FRY: variants seen among roughly 807,000 people sequenced by gnomAD.
FRY encodes the protein FRY microtubule binding protein.
In FRY, 128 loss-of-function variants were observed where a neutral mutation model predicts 348.4. That is an observed-to-expected ratio of 0.37 (90% CI 0.32 to 0.43). FRY has a LOEUF of 0.43. Among genes scored for constraint, FRY ranks in the 20% least tolerant of loss-of-function variants. The pLI, the probability that FRY is intolerant of heterozygous loss-of-function variation, is 1.00. For missense variants in FRY, 2,736 were observed against 3,695.2 expected, an observed-to-expected ratio of 0.74 and a Z score of 6.73; for synonymous variants, 1,370 against 1,374.7, an observed-to-expected ratio of 1.00 and a Z score of 0.08.
intron 2 of FRY, among the ~76,000 whole-genome samples, chr13:32,081,074 C>T (rs1319966653): frequency 6.6e-6 from 1 of 151,990 alleles, no homozygotes; most frequent in Non-Finnish European, 1.5e-5. Context: ...GTTTTTTCTT[C>T]TTGGAATAAG....
rs981598438 is a variant in FRY at position 32,117,550 on chromosome 13, A to G, written c.464+77A>G. 2.0e-6 allele frequency: 3 copies of G among 1,472,646 alleles called. No homozygotes were observed. The South Asian group carries it at 3.4e-5, about 17-fold the overall frequency. The allele number at this position is 1,472,646 out of a possible 1,614,324, so 91.2% of individuals were successfully genotyped here. A position where few individuals can be genotyped will look rare whatever the true frequency, so the allele number is the denominator to read the frequency against. On this transcript the variant is annotated intron_variant, in intron 4 of 60. Transcript: ENST00000542859. ...AAACATAAATCAAAATTAGAGTTAC[A>G]AGGCAATTGGGTCTTCCTGACTCTT...
chr13:32,176,258 T>G (rs910499615), intron 20 of FRY, among the ~76,000 whole-genome samples: 1 of 152,190 alleles, frequency 6.6e-6, no homozygotes, highest in Non-Finnish European at 1.5e-5. Context: ...TTAAACTGAT[T>G]TTAGTTATCT....
intron 17 of FRY, among the ~76,000 whole-genome samples, chr13:32,164,472 A>G (rs1206572301): frequency 2.0e-5 from 3 of 152,170 alleles, no homozygotes; most frequent in African/African-American, 7.2e-5. Context: ...CTGCACTTTG[A>G]GTAATGGCTG....
intron 4 of FRY, among the ~76,000 whole-genome samples, chr13:32,118,998 A>C (rs888378249): frequency 6.6e-6 from 1 of 152,216 alleles, no homozygotes; most frequent in Non-Finnish European, 1.5e-5. Flanking sequence ...TGCTGAAATT[A>C]GATTTTTCAT....
chr13:32,035,613 G>A (rs969999706), intron 1 of FRY, among the ~76,000 whole-genome samples: 9 of 152,170 alleles, frequency 5.9e-5, no homozygotes, highest in Non-Finnish European at 1.2e-4. Flanking sequence ...GTCCACCCCA[G>A]GATGCCTGAT....
chr13:32,164,204 ACTTT>A (rs1284908600), intron 17 of FRY, among the ~76,000 whole-genome samples: 1 of 152,232 alleles, frequency 6.6e-6, no homozygotes, highest in Non-Finnish European at 1.5e-5. Context: ...GTCTTCAGTT[ACTTT>A]ATACCCCCAC....
intron 32 of FRY, 76 bp from the exon 33 acceptor site, chr13:32,209,509 A>G (rs1833883951): frequency 2.1e-6 from 3 of 1,458,842 alleles, no homozygotes; most frequent in South Asian, 2.3e-5. Flanking sequence ...ATGACCCTCA[A>G]AACTACTTTC....
At chr13:32,175,729 T>A (rs1410789461) in intron 20 of FRY, 97 bp downstream of exon 20, 6 of 768,102 alleles carry the variant, frequency 7.8e-6, no homozygotes, top group Non-Finnish European at 7.0e-6. Flanking sequence ...TGGGTGTTTA[T>A]GTCAGATTAA....
chr13:32,057,372 A>G (rs537254582), intron 1 of FRY, among the ~76,000 whole-genome samples: 1 of 152,002 alleles, frequency 6.6e-6, no homozygotes, highest in Admixed American at 6.6e-5. Flanking sequence ...GGGTTTCACC[A>G]TATTAGCCAG....
At chr13:32,188,163 T>C (rs1883132480) in intron 28 of FRY, among the ~76,000 whole-genome samples, 1 of 152,116 alleles carries the variant, frequency 6.6e-6, no homozygotes, top group South Asian at 2.1e-4. Flanking sequence ...GAGAATAGAA[T>C]TAAAAGATAA....
intron 7 of FRY, 39 bp from the exon 8 acceptor site, chr13:32,131,632 CT>C: frequency 6.6e-7 from 1 of 1,517,520 alleles, no homozygotes; most frequent in South Asian, 1.1e-5. Flanking sequence ...AGGGACTTTC[CT>C]ACCCAATATT....
intron 17 of FRY, among the ~76,000 whole-genome samples, chr13:32,163,379 G>A (rs1303645197): frequency 1.3e-5 from 2 of 152,154 alleles, no homozygotes; most frequent in Non-Finnish European, 2.9e-5. Flanking sequence ...CTACCTGCAT[G>A]ATCCGGACAA....
chr13:32,175,881 G>A (rs915359442), intron 20 of FRY, among the ~76,000 whole-genome samples: 1 of 152,118 alleles, frequency 6.6e-6, no homozygotes, highest in Non-Finnish European at 1.5e-5. Flanking sequence ...GAATTGCTCA[G>A]GATTCTTAAG....
rs758272825 is a variant in FRY at position 32,294,507 on chromosome 13, C to T, written c.8720C>T (p.Ser2907Phe). 1.2e-6 allele frequency: 2 copies of T among 1,614,096 alleles called. No homozygotes were observed. Among genetic ancestry groups the T allele is most frequent in the South Asian group, 2.2e-5 (2 of 91,090 alleles). ...TFTSTEAAIQ[S>F]MLECLKNNEL... Reference sequence around the variant, plus strand: ...ACGTCCACTGAAGCAGCCATCCAGTCCATGCTGGAGTGCCTGAAGAACAAC... The same window carrying T: ...ACGTCCACTGAAGCAGCCATCCAGTTCATGCTGGAGTGCCTGAAGAACAAC... The change falls in exon 60 of 61, where the codon TCC becomes TTC. Residue 2907 changes from serine to phenylalanine, a missense_variant. This residue lies in a region of FRY where 157 missense variants were observed against 215.2 expected (regional missense o/e 0.73). Coordinates refer to ENST00000542859, the MANE Select transcript of FRY (RefSeq NM_023037.3).
At position 32,184,886 on chromosome 13, in the gene FRY, G is replaced by A. The variant is rs1380324106; in HGVS notation, c.3147-90G>A. On this transcript the variant is annotated intron_variant, in intron 25 of 60. Transcript: ENST00000542859. Reference sequence around the variant, plus strand: ...GGTTAGGAACAACTTTAGTGTGTGAGTTGTGACAGTGAATCTTAGTTTTCA... The same window carrying A: ...GGTTAGGAACAACTTTAGTGTGTGAATTGTGACAGTGAATCTTAGTTTTCA... The A allele has an allele frequency of 5.5e-5, 65 of 1,187,184 alleles. No individual in the cohort carries two copies. The East Asian group carries it at 1.4e-3, about 26-fold the overall frequency. The allele number at this position is 1,187,184 out of a possible 1,614,324, so 73.5% of individuals were successfully genotyped here.
At chr13:32,244,229 A>C in intron 47 of FRY, 47 bp downstream of exon 47, 1 of 1,566,432 alleles carries the variant, frequency 6.4e-7, no homozygotes. Context: ...TTCTAAAAAG[A>C]TGGAGGCTTT....
chr13:32,228,398 A>G (rs1399715210), intron 39 of FRY, 58 bp from the exon 40 acceptor site: 1 of 1,268,486 alleles, frequency 7.9e-7, no homozygotes, highest in Admixed American at 1.7e-5. Flanking sequence ...GACCTCATTA[A>G]GCATGCTGAC....
intron 23 of FRY, among the ~76,000 whole-genome samples, chr13:32,180,243 T>C (rs1032472226): frequency 6.6e-6 from 1 of 152,196 alleles, no homozygotes; most frequent in Admixed American, 6.5e-5. Flanking sequence ...TTTTTCTTTT[T>C]TTTTTTCTTG....
intron 1 of FRY, among the ~76,000 whole-genome samples, chr13:32,048,134 T>G (rs1873126795): frequency 1.3e-5 from 2 of 152,344 alleles, no homozygotes; most frequent in South Asian, 4.1e-4. Context: ...TAGGGCACAT[T>G]GGCTCTGTGA....
Sources: allele counts gnomAD v4.1 joint callset (sites outside exome capture counted in the v4.1 genomes callset), GRCh38; gene constraint gnomAD v4.1.1; regional missense constraint gnomAD v4.1.1; transcripts MANE v1.5; gene names NCBI Gene and HGNC (gene_info 2026-07-23, HGNC 2026-07-21).